BCAS4: variants seen among roughly 807,000 people sequenced by gnomAD.
The protein encoded by BCAS4 is breast carcinoma amplified sequence 4, also known as breast carcinoma-amplified sequence 4.
A neutral mutation model predicts 15.7 loss-of-function variants in BCAS4; 9 were observed. That is an observed-to-expected ratio of 0.57 (90% CI 0.34 to 1.00). The LOEUF is 1.00. BCAS4 is among the 50% of genes least tolerant of loss of function. The pLI, the probability that BCAS4 is intolerant of heterozygous loss-of-function variation, is 0.02. For missense variants in BCAS4, 225 were observed against 239.1 expected (o/e 0.94, Z 0.39); for synonymous variants, 101 against 99.5 (o/e 1.02, Z -0.09).
chr20:50,830,080 G>T (rs2088325021), intron 2 of BCAS4, among the ~76,000 whole-genome samples, 199 bp from the exon 3 acceptor site: 1 of 152,136 alleles, frequency 6.6e-6, no homozygotes, highest in Non-Finnish European at 1.5e-5. Context: ...ATAATACCTG[G>T]GTAGGTCTGG....
chr20:50,836,859 C>T (rs997246416), intron 3 of BCAS4, among the ~76,000 whole-genome samples: 6 of 152,096 alleles, frequency 3.9e-5, no homozygotes, highest in African/African-American at 1.4e-4. Context: ...AGGTGTGTGC[C>T]ACCACGCCCA....
chr20:50,814,093 C>T (rs2088106746), intron 1 of BCAS4, among the ~76,000 whole-genome samples: 1 of 152,116 alleles, frequency 6.6e-6, no homozygotes, highest in Non-Finnish European at 1.5e-5. Context: ...GCATGGTGGG[C>T]TGGCTTATCC....
At chr20:50,818,120 C>G in intron 1 of BCAS4, 91 bp from the exon 2 acceptor site, 7 of 1,192,126 alleles carry the variant, frequency 5.9e-6, no homozygotes, top group Non-Finnish European at 7.2e-6. Flanking sequence ...AATCCTAAGA[C>G]TTAGTTTGCT....
At chr20:50,798,944 C>T (rs76941279) in intron 1 of BCAS4, among the ~76,000 whole-genome samples, 1 of 152,058 alleles carries the variant, frequency 6.6e-6, no homozygotes. Context: ...GTGGATGGAC[C>T]GTAATTTATG....
intron 1 of BCAS4, among the ~76,000 whole-genome samples, chr20:50,809,876 A>G (rs1038976379): frequency 1.3e-5 from 2 of 152,116 alleles, no homozygotes; most frequent in African/African-American, 4.8e-5. Flanking sequence ...TTGCAAAAGA[A>G]GTTGAGTTCT....
intron 4 of BCAS4, among the ~76,000 whole-genome samples, chr20:50,848,881 C>T (rs1382666642): frequency 6.6e-6 from 1 of 152,266 alleles, no homozygotes; most frequent in Non-Finnish European, 1.5e-5. Context: ...GAAAGGGGCC[C>T]AGGTCTTCCA....
Position 50,811,491 on chromosome 20 carries a change from A to G in BCAS4, c.91-6720A>G, listed in dbSNP as rs184040957. ...CGTGACCTAATTGCAGAACATTTCT[A>G]TGACCCAAAAAAGAAACCCCATCAC... On this transcript the variant is annotated intron_variant, in intron 1 of 4. Coordinates refer to ENST00000371608, the MANE Select transcript of BCAS4 (RefSeq NM_198799.4). 2.0e-5 allele frequency among the ~76,000 whole-genome samples: 3 copies of G among 152,258 alleles called. No individual in the cohort carries two copies. In the East Asian group the frequency reaches 5.8e-4, roughly 29 times the overall value.
At chr20:50,850,736 C>T (rs972142721) in intron 4 of BCAS4, among the ~76,000 whole-genome samples, 5 of 152,188 alleles carry the variant, frequency 3.3e-5, no homozygotes, top group Admixed American at 6.5e-5. Flanking sequence ...GCCCAGCCAG[C>T]ATCTGGCCTA....
intron 3 of BCAS4, among the ~76,000 whole-genome samples, chr20:50,835,169 C>T (rs2088391876): frequency 1.3e-5 from 2 of 151,932 alleles, no homozygotes; most frequent in African/African-American, 4.8e-5. Context: ...ATTTTGAACT[C>T]AACTCGTTTT....
chr20:50,873,278 C>A (rs935861436), intron 4 of BCAS4, among the ~76,000 whole-genome samples: 2 of 152,198 alleles, frequency 1.3e-5, no homozygotes, highest in Non-Finnish European at 2.9e-5. Flanking sequence ...TGCACAGAAC[C>A]ATTTCAAAAA....
At chr20:50,820,441 C>A (rs2088199491) in intron 2 of BCAS4, among the ~76,000 whole-genome samples, 2 of 152,146 alleles carry the variant, frequency 1.3e-5, no homozygotes, top group African/African-American at 4.8e-5. Flanking sequence ...GGAAGGAGTG[C>A]ATTCAGGCAG....
intron 4 of BCAS4, among the ~76,000 whole-genome samples, chr20:50,864,439 A>ATT (rs397866091): frequency 5.1e-5 from 5 of 97,878 alleles, no homozygotes; most frequent in Admixed American, 9.8e-5. Flanking sequence ...ATCATGATTG[A>ATT]TTTTTTTTTT....
chr20:50,859,751 A>T (rs2145689), intron 4 of BCAS4, among the ~76,000 whole-genome samples: 7 of 151,958 alleles, frequency 4.6e-5, no homozygotes, highest in Admixed American at 2.0e-4. Flanking sequence ...GGGGGGCAGG[A>T]GGAGGTGGGG....
intron 2 of BCAS4, among the ~76,000 whole-genome samples, chr20:50,825,431 G>T (rs1222901902): frequency 6.6e-6 from 1 of 152,190 alleles, no homozygotes; most frequent in African/African-American, 2.4e-5. Context: ...AAGAGGTAAG[G>T]TTTGGGGCCT....
At chr20:50,822,408 A>G (rs955467793) in intron 2 of BCAS4, among the ~76,000 whole-genome samples, 1 of 152,220 alleles carries the variant, frequency 6.6e-6, no homozygotes, top group Non-Finnish European at 1.5e-5. Flanking sequence ...AGGAGTTTGT[A>G]GCTGTCCTTA....
intron 4 of BCAS4, among the ~76,000 whole-genome samples, chr20:50,856,726 C>A (rs1296210439): frequency 1.3e-5 from 2 of 152,158 alleles, no homozygotes; most frequent in Non-Finnish European, 2.9e-5. Context: ...GACATGGGGG[C>A]GCTGCTTGCA....
rs188159358 is a variant in BCAS4, at chr20:50,817,593, C to T, written c.91-618C>T. 1.1e-3 allele frequency among the ~76,000 whole-genome samples: 163 copies of T among 152,258 alleles called. 1 individual carries two copies. The highest frequency in any genetic ancestry group is 1.8e-3 in the Non-Finnish European group (121 of 68,018). ...TTCTCCTGCCTCAGCCTCGGAGTAG[C>T]TGTGACTACAGGCACACGCCACCAT... On this transcript the variant is annotated intron_variant, in intron 1 of 4. Coordinates refer to ENST00000371608, the MANE Select transcript of BCAS4 (RefSeq NM_198799.4).
intron 1 of BCAS4, among the ~76,000 whole-genome samples, chr20:50,798,524 AT>A (rs1188142982): frequency 3.9e-4 from 59 of 152,266 alleles, no homozygotes; most frequent in African/African-American, 1.3e-3. Flanking sequence ...TAATAAAAAA[AT>A]AAAAATAAAA....
At chr20:50,838,459 C>A (rs1301299288) in intron 3 of BCAS4, among the ~76,000 whole-genome samples, 1 of 152,206 alleles carries the variant, frequency 6.6e-6, no homozygotes, top group Non-Finnish European at 1.5e-5. Flanking sequence ...CCTGTAATCC[C>A]AGCACTTTGG....
Sources: allele counts gnomAD v4.1 joint callset (sites outside exome capture counted in the v4.1 genomes callset), GRCh38; gene constraint gnomAD v4.1.1; transcripts MANE v1.5; gene names NCBI Gene and HGNC (gene_info 2026-07-23, HGNC 2026-07-21).